CHLSN: variants seen among roughly 807,000 people sequenced by gnomAD.
CHLSN encodes cholesin.
chr7:1,041,715 C>T, the CHLSN span, among the ~76,000 whole-genome samples: 1 of 152,212 alleles, frequency 6.6e-6, no homozygotes, highest in Non-Finnish European at 1.5e-5. Flanking sequence ...GCACGGCACA[C>T]ACTATCAGAC....
the CHLSN span, among the ~76,000 whole-genome samples, chr7:1,132,585 T>C: frequency 1.5e-4 from 22 of 151,630 alleles, no homozygotes; most frequent in South Asian, 2.7e-3. Flanking sequence ...TCCCAGCTAC[T>C]TGGGAGGCTG....
chr7:1,100,218 C>T, the CHLSN span, among the ~76,000 whole-genome samples: 4 of 152,230 alleles, frequency 2.6e-5, no homozygotes, highest in Non-Finnish European at 5.9e-5. Flanking sequence ...TATGAGCCCT[C>T]AGTGGAGCCC....
At chr7:1,091,265 G>A in the CHLSN span, 14 of 155,738 alleles carry the variant, frequency 9.0e-5, no homozygotes, top group South Asian at 2.1e-4. Context: ...GCCACCTCCC[G>A]AGCTCATAAA....
the CHLSN span, among the ~76,000 whole-genome samples, chr7:1,024,341 G>A: frequency 2.0e-5 from 3 of 152,228 alleles, no homozygotes; most frequent in South Asian, 2.1e-4. Flanking sequence ...AGCCCTGCCC[G>A]TGGGCTTCCT....
chr7:1,113,878 A>T, the CHLSN span, among the ~76,000 whole-genome samples: 2 of 152,232 alleles, frequency 1.3e-5, no homozygotes, highest in Non-Finnish European at 2.9e-5. Flanking sequence ...GGACGGCAGG[A>T]GGCCACGCTC....
At chr7:986,294 A>C in the CHLSN span, 1 of 310,620 alleles carries the variant, frequency 3.2e-6, no homozygotes. Flanking sequence ...CCAAGGTCTG[A>C]GGTCTGCTCT....
At chr7:1,014,928 C>T in the CHLSN span, among the ~76,000 whole-genome samples, 86 of 152,350 alleles carry the variant, frequency 5.6e-4, 1 homozygote, top group South Asian at 0.016. Flanking sequence ...CCTGCAGGGA[C>T]GGTGCAGTGA....
chr7:1,128,688 G>A, the CHLSN span, among the ~76,000 whole-genome samples: 24 of 22,296 alleles, frequency 1.1e-3, 4 homozygotes, highest in East Asian at 0.013. Flanking sequence ...TCATCCCACC[G>A]TCACCCGGGC....
chr7:1,033,052 C>G, the CHLSN span, among the ~76,000 whole-genome samples: 1 of 152,236 alleles, frequency 6.6e-6, no homozygotes, highest in Non-Finnish European at 1.5e-5. Context: ...GAAAGAAGAC[C>G]TACCACTACC....
chr7:1,063,387 C>T, the CHLSN span, among the ~76,000 whole-genome samples: 1 of 152,230 alleles, frequency 6.6e-6, no homozygotes, highest in Non-Finnish European at 1.5e-5. Context: ...TGATCGGGTG[C>T]TCCTGAGAAA....
chr7:1,057,411 G>A, the CHLSN span: 875 of 614,250 alleles, frequency 1.4e-3, 1 homozygote, highest in Non-Finnish European at 2.2e-3. Flanking sequence ...ACCAGGAGAA[G>A]GCACCCCTGT....
chr7:1,009,822 G>C, the CHLSN span: 2 of 822,952 alleles, frequency 2.4e-6, no homozygotes, highest in Non-Finnish European at 3.6e-6. Flanking sequence ...CACAGGCCTG[G>C]CATGAACGCT....
chr7:1,105,014 G>A, the CHLSN span, among the ~76,000 whole-genome samples: 1 of 152,228 alleles, frequency 6.6e-6, no homozygotes, highest in Non-Finnish European at 1.5e-5. Context: ...GATAATCGCA[G>A]TAGAAGAGAG....
At chr7:1,021,822 A>C in the CHLSN span, among the ~76,000 whole-genome samples, 2 of 152,270 alleles carry the variant, frequency 1.3e-5, no homozygotes, top group Non-Finnish European at 1.5e-5. Context: ...TGTGCCTGGC[A>C]CAGGGAAACA....
At chr7:1,060,688 G>A in the CHLSN span, among the ~76,000 whole-genome samples, 41 of 152,344 alleles carry the variant, frequency 2.7e-4, no homozygotes, top group African/African-American at 9.4e-4. Flanking sequence ...AGGCTCCTAA[G>A]CCGTGGGATT....
the CHLSN span, chr7:1,044,032 A>C: frequency 1.3e-5 from 2 of 152,264 alleles, no homozygotes; most frequent in African/African-American, 2.4e-5. Flanking sequence ...TCAGGCAGCA[A>C]TGTGTTTCTT....
chr7:1,042,669 A>G, the CHLSN span, among the ~76,000 whole-genome samples: 1 of 152,282 alleles, frequency 6.6e-6, no homozygotes, highest in South Asian at 2.1e-4. Flanking sequence ...AGTGGCTCAG[A>G]GGAAGCTAAC....
chr7:1,028,250 G>A, the CHLSN span: 2 of 1,095,732 alleles, frequency 1.8e-6, no homozygotes, highest in Non-Finnish European at 1.1e-6. Context: ...CTGGCCCCGC[G>A]CACTGACCTC....
At chr7:1,102,722 T>C in the CHLSN span, among the ~76,000 whole-genome samples, 2 of 151,988 alleles carry the variant, frequency 1.3e-5, no homozygotes, top group Non-Finnish European at 2.9e-5. Flanking sequence ...TCCGTGAGGG[T>C]GGGCCGCCCG....
Sources: allele counts gnomAD v4.1 joint callset (sites outside exome capture counted in the v4.1 genomes callset), GRCh38; gene constraint gnomAD v4.1.1; transcripts MANE v1.5; gene names NCBI Gene and HGNC (gene_info 2026-07-23, HGNC 2026-07-21).